The following PCLO variants were observed in gnomAD, a reference collection of about 807,000 sequenced individuals.
PCLO encodes piccolo presynaptic cytomatrix protein.
In PCLO, 82 loss-of-function variants were observed where a neutral mutation model predicts 427.5. The ratio of observed to expected loss-of-function variants is 0.19; its 90% confidence interval spans 0.16 to 0.23. The LOEUF (loss-of-function observed/expected upper bound fraction) is 0.23. PCLO is among the 10% of genes least tolerant of loss of function. The pLI is 1.00. For missense variants in PCLO, 6,239 were observed against 6,115.9 expected (o/e 1.02, Z -0.67); for synonymous variants, 2,357 against 2,155.4 (o/e 1.09, Z -2.59).
chr7:83,122,682 G>A (rs1473268329), intron 3 of PCLO, among the ~76,000 whole-genome samples: 1 of 152,008 alleles, frequency 6.6e-6, no homozygotes, highest in Non-Finnish European at 1.5e-5. Context: ...ATACACATTG[G>A]AAGAAAAGAA....
intron 10 of PCLO, chr7:82,867,987 T>G: frequency 2.8e-6 from 1 of 352,752 alleles, no homozygotes; most frequent in Non-Finnish European, 5.6e-6. Flanking sequence ...CAGAAGAGAG[T>G]TTCCTAAATA....
intron 4 of PCLO, among the ~76,000 whole-genome samples, chr7:82,963,122 C>G (rs1795689151): frequency 1.3e-5 from 2 of 151,824 alleles, no homozygotes; most frequent in South Asian, 4.1e-4. Context: ...ATAAACAATA[C>G]CTGTTTCTTT....
At chr7:82,975,098 C>T (rs1795989096) in intron 3 of PCLO, among the ~76,000 whole-genome samples, 1 of 152,072 alleles carries the variant, frequency 6.6e-6, no homozygotes, top group African/African-American at 2.4e-5. Context: ...ATTATAAAAT[C>T]TGTATACTGA....
chr7:83,071,143 C>G (rs1292920247), intron 3 of PCLO, among the ~76,000 whole-genome samples: 1 of 151,940 alleles, frequency 6.6e-6, no homozygotes, highest in African/African-American at 2.4e-5. Context: ...GCCCTCACCA[C>G]TATCTGTTTT....
intron 3 of PCLO, among the ~76,000 whole-genome samples, chr7:83,005,046 T>C (rs1475037902): frequency 6.8e-6 from 1 of 147,398 alleles, no homozygotes; most frequent in East Asian, 2.1e-4. Flanking sequence ...GGTAGGAAGA[T>C]ACATTGTAGG....
At chr7:82,949,314 CACAT>C (rs1369124715) in intron 6 of PCLO, among the ~76,000 whole-genome samples, 158 bp downstream of exon 6, 1 of 152,012 alleles carries the variant, frequency 6.6e-6, no homozygotes, top group African/African-American at 2.4e-5. Context: ...CACGCACACA[CACAT>C]ATACACATAT....
chr7:82,978,586 C>T (rs550891765), intron 3 of PCLO, among the ~76,000 whole-genome samples: 29 of 151,902 alleles, frequency 1.9e-4, no homozygotes, highest in Admixed American at 8.5e-4. Context: ...AGCAAAAATA[C>T]GATGAATATA....
intron 10 of PCLO, among the ~76,000 whole-genome samples, chr7:82,848,304 GTTTT>G (rs71522632): frequency 0.011 from 947 of 83,860 alleles, 8 homozygotes; most frequent in Admixed American, 0.022. Flanking sequence ...CCATTAGTTA[GTTTT>G]TTTTTTTTTT....
chr7:82,974,928 G>A (rs1583861078), intron 3 of PCLO, among the ~76,000 whole-genome samples: 1 of 151,850 alleles, frequency 6.6e-6, no homozygotes, highest in African/African-American at 2.4e-5. Flanking sequence ...ACAGGTGCCC[G>A]CCACCATGCC....
At position 82,819,373 on chromosome 7, in the gene PCLO, G is replaced by GA. The variant is rs1194412041; in HGVS notation, c.14791+3121dup. On this transcript the variant is annotated intron_variant, in intron 20 of 24. Coordinates refer to ENST00000333891, the MANE Select transcript of PCLO (RefSeq NM_033026.6). ...AAATTTTAAGGACTATGTCTAGGAA[G>GA]AAAATCATATAAAATGTCATATAGA... Among the ~76,000 whole-genome samples the GA allele has an allele frequency of 5.9e-5, 9 of 152,018 alleles. No homozygotes were observed. In the East Asian group the frequency reaches 1.4e-3, roughly 23 times the overall value.
rs544463025 is a variant in PCLO, at chr7:82,915,920, T to A, written c.12066A>T (p.Ala4022=). The A allele has an allele frequency of 1.2e-6, 2 of 1,613,354 alleles. No individual in the cohort carries two copies. The highest frequency in any genetic ancestry group is 1.7e-5 in the Admixed American group (1 of 59,996). The stretch of plus-strand genomic sequence containing the variant: ...CAGATATGCTTGATATTGGACTGCT[T>A]GCCATGCTACTTCTTTCCTCCAAAC... ...RIGLEERSSM[A]SSPISSISAD... Residue 4022 remains alanine, a synonymous_variant, in exon 7 of 25, where the codon GCA becomes GCT. Transcript: ENST00000333891.
intron 8 of PCLO, among the ~76,000 whole-genome samples, chr7:82,907,564 C>G (rs961235470): frequency 6.6e-6 from 1 of 151,804 alleles, no homozygotes; most frequent in Non-Finnish European, 1.5e-5. Context: ...AACACAACCA[C>G]AAATACAATT....
At chr7:82,995,078 C>A (rs1583883616) in intron 3 of PCLO, among the ~76,000 whole-genome samples, 2 of 151,662 alleles carry the variant, frequency 1.3e-5, no homozygotes, top group East Asian at 3.9e-4. Context: ...GGGTCTGAAG[C>A]TCAGAAAAGA....
chr7:82,953,936 C>G lies in PCLO; in HGVS notation c.7017G>C (p.Val2339=). The G allele has an allele frequency of 1.2e-6, 2 of 1,613,878 alleles. No homozygotes were observed. Among genetic ancestry groups the G allele is most frequent in the Non-Finnish European group, 1.7e-6 (2 of 1,179,830 alleles). The change falls in exon 5 of 25, where the codon GTG becomes GTC. Residue 2339 remains valine, a synonymous_variant. Transcript: ENST00000333891. ...TTACAGAAGAAGGTGGGTGATCAAACACGGTTTCGGATAAGCTACTTTTTG... is the reference window on the plus strand; with the variant it reads ...TTACAGAAGAAGGTGGGTGATCAAAGACGGTTTCGGATAAGCTACTTTTTG... ...ERTKSSLSET[V]FDHPPSSVIA...
Position 83,125,755 on chromosome 7 carries a change from C to T in PCLO, c.3300+8495G>A, listed in dbSNP as rs551650486. Among the ~76,000 whole-genome samples the T allele has an allele frequency of 2.4e-4, 37 of 152,212 alleles. No homozygotes were observed. In the South Asian group the frequency reaches 7.1e-3, roughly 29 times the overall value. ...CAGGGACACAAACACTGCGGAAGGTCGCAGGGTCCTCTGCCTAGGAAAACC... is the reference window on the plus strand; with the variant it reads ...CAGGGACACAAACACTGCGGAAGGTTGCAGGGTCCTCTGCCTAGGAAAACC... On this transcript the variant is annotated intron_variant, in intron 3 of 24. Coordinates refer to ENST00000333891, the MANE Select transcript of PCLO (RefSeq NM_033026.6).
intron 6 of PCLO, among the ~76,000 whole-genome samples, chr7:82,947,153 A>G (rs1795222296): frequency 6.6e-6 from 1 of 152,180 alleles, no homozygotes; most frequent in African/African-American, 2.4e-5. Flanking sequence ...ATGGTCCAGC[A>G]GAGGTCTCAA....
intron 1 of PCLO, among the ~76,000 whole-genome samples, chr7:83,159,973 C>T (rs1445960446): frequency 6.6e-6 from 1 of 152,034 alleles, no homozygotes; most frequent in Non-Finnish European, 1.5e-5. Flanking sequence ...CCCCATTGAA[C>T]TGATTTTTCC....
At chr7:83,161,618 T>G (rs769396856) in intron 1 of PCLO, among the ~76,000 whole-genome samples, 6 of 152,222 alleles carry the variant, frequency 3.9e-5, no homozygotes, top group Non-Finnish European at 7.3e-5. Flanking sequence ...TATTGAAAAT[T>G]ATTTTCTAAG....
chr7:82,994,214 T>C (rs1469683698), intron 3 of PCLO, among the ~76,000 whole-genome samples: 1 of 152,058 alleles, frequency 6.6e-6, no homozygotes, highest in Non-Finnish European at 1.5e-5. Context: ...ACTATATTGA[T>C]TAATGTGCTA....
Sources: gnomAD v4.1 joint callset for allele counts (sites outside exome capture counted in the v4.1 genomes callset) on GRCh38, gnomAD v4.1.1 for gene constraint, MANE v1.5 for transcripts, NCBI Gene and HGNC (gene_info 2026-07-23, HGNC 2026-07-21) for gene names.